Variants in WWOX observed in about 807,000 individuals in gnomAD.
WWOX encodes the protein WW domain-containing oxidoreductase.
In WWOX, 69 loss-of-function variants were observed where a neutral mutation model predicts 46.2. The observed-to-expected ratio is 1.49, with a 90% CI of 1.23 to 1.82. WWOX has a LOEUF of 1.82. WWOX is among the 40% of genes most tolerant of loss of function. The pLI, the probability that WWOX is intolerant of heterozygous loss-of-function variation, is 0.00. For synonymous variants in WWOX, 359 were observed against 202.6 expected, an observed-to-expected ratio of 1.77 and a Z score of -6.56; for missense variants, 919 against 542.6, an observed-to-expected ratio of 1.69 and a Z score of -6.89.
At position 78,724,826 on chromosome 16, in the gene WWOX, C is replaced by G. The variant is rs1204485056; in HGVS notation, c.1056+292074C>G. On this transcript the variant is annotated intron_variant, in intron 8 of 8. Transcript: ENST00000566780. ...GTGTGTGTGTGTGTAGTTTTTCAGACATATCTCCATCTGATTCTTACCTCT... is the reference window on the plus strand; with the variant it reads ...GTGTGTGTGTGTGTAGTTTTTCAGAGATATCTCCATCTGATTCTTACCTCT... Among the ~76,000 whole-genome samples, 2 of 152,168 alleles carry G rather than the reference C, an allele frequency of 1.3e-5. 1 individual carries two copies. Among genetic ancestry groups the G allele is most frequent in the African/African-American group, 4.8e-5 (2 of 41,444 alleles).
At chr16:78,255,868 G>C (rs2038115667) in intron 5 of WWOX, among the ~76,000 whole-genome samples, 1 of 152,118 alleles carries the variant, frequency 6.6e-6, no homozygotes, top group Non-Finnish European at 1.5e-5. Context: ...TCACGACCAG[G>C]CACAGTGGCT....
At chr16:79,136,750 C>G (rs570745139) in intron 8 of WWOX, among the ~76,000 whole-genome samples, 3 of 152,302 alleles carry the variant, frequency 2.0e-5, no homozygotes, top group Admixed American at 6.5e-5. Flanking sequence ...TGACATATGG[C>G]AGGAGTAATA....
Position 79,026,686 on chromosome 16 carries a change from C to T in WWOX, c.1057-184922C>T, listed in dbSNP as rs563257079. Reference sequence around the variant, plus strand: ...AGGCTGCAGTGCAGTGGCGCGATCTCAGCTCACTGCAACCTCCGCCTCCCG... The same window carrying T: ...AGGCTGCAGTGCAGTGGCGCGATCTTAGCTCACTGCAACCTCCGCCTCCCG... On this transcript the variant is annotated intron_variant, in intron 8 of 8. Transcript: ENST00000566780. Among the ~76,000 whole-genome samples the T allele has an allele frequency of 9.2e-5, 13 of 141,978 alleles. No individual in the cohort carries two copies. In the East Asian group the frequency reaches 2.7e-3, roughly 30 times the overall value. The allele number at this position is 141,978 out of a possible 152,430, so 93.1% of individuals were successfully genotyped here.
chr16:78,762,123 C>G (rs1446934278), intron 8 of WWOX, among the ~76,000 whole-genome samples: 2 of 152,130 alleles, frequency 1.3e-5, no homozygotes, highest in African/African-American at 2.4e-5. Flanking sequence ...TAAGGTATGG[C>G]TAATCATTTC....
chr16:78,144,472 TATATATATATATATACACACACACACAC>T (rs2034116848), intron 4 of WWOX, among the ~76,000 whole-genome samples: 2 of 30,504 alleles, frequency 6.6e-5, no homozygotes, highest in Non-Finnish European at 1.1e-4. Context: ...TACACACATA[TATATATATATATATACACACACACACAC>T]ATATATATAT....
intron 8 of WWOX, among the ~76,000 whole-genome samples, chr16:78,449,266 A>T (rs1597100739): frequency 6.6e-6 from 1 of 152,346 alleles, no homozygotes; most frequent in South Asian, 2.1e-4. Context: ...ATCCATTGGT[A>T]AAATGAAAGT....
intron 8 of WWOX, among the ~76,000 whole-genome samples, chr16:78,840,379 C>A (rs976151363): frequency 6.6e-6 from 1 of 152,148 alleles, no homozygotes; most frequent in East Asian, 1.9e-4. Flanking sequence ...CACTGTACGT[C>A]TGTGGTTGAC....
intron 8 of WWOX, among the ~76,000 whole-genome samples, chr16:78,588,809 A>G (rs1347047453): frequency 6.6e-6 from 1 of 152,142 alleles, no homozygotes; most frequent in Non-Finnish European, 1.5e-5. Flanking sequence ...CTGAACCCAG[A>G]GTGGTCTCTG....
intron 3 of WWOX, among the ~76,000 whole-genome samples, chr16:78,114,379 C>G (rs779766791): frequency 2.6e-5 from 4 of 152,154 alleles, no homozygotes; most frequent in Non-Finnish European, 5.9e-5. Context: ...AGATTACAGG[C>G]GTGAGCCACT....
chr16:78,546,758 C>T (rs887124686), intron 8 of WWOX, among the ~76,000 whole-genome samples: 1 of 152,130 alleles, frequency 6.6e-6, no homozygotes, highest in Non-Finnish European at 1.5e-5. Flanking sequence ...AAAGCTCCAT[C>T]TAAAGAGATA....
chr16:78,728,305 A>C (rs1003048999), intron 8 of WWOX, among the ~76,000 whole-genome samples: 3 of 151,936 alleles, frequency 2.0e-5, no homozygotes, highest in African/African-American at 7.3e-5. Context: ...CCTGAGCTCA[A>C]GCGATTCTCC....
intron 8 of WWOX, among the ~76,000 whole-genome samples, chr16:78,944,653 G>C (rs2045915508): frequency 6.6e-6 from 1 of 152,052 alleles, no homozygotes; most frequent in African/African-American, 2.4e-5. Flanking sequence ...CCATCCAATT[G>C]CTTTTGCGGA....
rs146495479 is a variant in WWOX at position 78,775,109 on chromosome 16, A to G, written c.1056+342357A>G. On this transcript the variant is annotated intron_variant, in intron 8 of 8. Coordinates refer to ENST00000566780, the MANE Select transcript of WWOX (RefSeq NM_016373.4). ...AGTGACAGAGTCACCAACTCACTCC[A>G]TCAAATGTGGCTGTATTTTTAGAAG... 3.9e-3 allele frequency among the ~76,000 whole-genome samples: 593 copies of G among 152,304 alleles called. 6 individuals carry two copies. Among genetic ancestry groups the G allele is most frequent in the South Asian group, 0.019 (94 of 4,826 alleles).
chr16:78,324,242 G>C (rs1236892426), intron 5 of WWOX, among the ~76,000 whole-genome samples: 2 of 152,086 alleles, frequency 1.3e-5, no homozygotes, highest in African/African-American at 4.8e-5. Context: ...CCTGGTCTTA[G>C]ATACTGCTCA....
At position 78,827,511 on chromosome 16, in the gene WWOX, A is replaced by G. The variant is rs368655749; in HGVS notation, c.1057-384097A>G. On this transcript the variant is annotated intron_variant, in intron 8 of 8. Transcript: ENST00000566780. The stretch of plus-strand genomic sequence containing the variant: ...CATTTTCTGGCAGGGAGACCCCAGG[A>G]CTGAAAGGAGCTGGAAGAGTGAGGT... 7.6e-4 allele frequency among the ~76,000 whole-genome samples: 116 copies of G among 152,076 alleles called. 2 individuals are homozygous for G. In the South Asian group the frequency reaches 0.024, roughly 31 times the overall value.
intron 8 of WWOX, among the ~76,000 whole-genome samples, chr16:78,700,767 C>T (rs571906674): frequency 1.3e-5 from 2 of 152,310 alleles, no homozygotes; most frequent in Admixed American, 6.5e-5. Flanking sequence ...ACAGCCATCG[C>T]TAGCATGGTG....
intron 8 of WWOX, among the ~76,000 whole-genome samples, chr16:78,747,729 G>A (rs8063056): frequency 0.019 from 2,949 of 152,228 alleles, 97 homozygotes; most frequent in African/African-American, 0.067. Flanking sequence ...TCCCTAGAGC[G>A]TCAGCCCATG....
At chr16:78,950,533 T>C (rs7204507) in intron 8 of WWOX, among the ~76,000 whole-genome samples, 346 of 147,038 alleles carry the variant, frequency 2.4e-3, no homozygotes, top group African/African-American at 4.5e-3. Context: ...CACACACACA[T>C]ACACACACAC....
chr16:78,128,018 A>T (rs969073447), intron 4 of WWOX, among the ~76,000 whole-genome samples: 6 of 152,206 alleles, frequency 3.9e-5, no homozygotes, highest in Admixed American at 3.9e-4. Context: ...AATGTGTGAA[A>T]TGCTGTAATG....
Sources: allele counts gnomAD v4.1 joint callset (sites outside exome capture counted in the v4.1 genomes callset), GRCh38; gene constraint gnomAD v4.1.1; transcripts MANE v1.5; gene names NCBI Gene and HGNC (gene_info 2026-07-23, HGNC 2026-07-21).